ELF2: variants seen among roughly 807,000 people sequenced by gnomAD.
ELF2 encodes E74 like ETS transcription factor 2.
ELF2 carries 11 observed loss-of-function variants against 54.8 expected under a neutral mutation model. That is an observed-to-expected ratio of 0.20 (90% CI 0.13 to 0.33). The LOEUF (loss-of-function observed/expected upper bound fraction) is 0.33. Ranked by LOEUF, ELF2 falls within the 10% of genes least tolerant of loss-of-function variation. The probability of loss-of-function intolerance (pLI) is 1.00; values close to 1 mark genes in which losing one functional copy is unlikely to be tolerated. For missense variants in ELF2, 513 were observed against 703.0 expected, an observed-to-expected ratio of 0.73 and a Z score of 3.06; for synonymous variants, 203 against 245.1, an observed-to-expected ratio of 0.83 and a Z score of 1.61.
rs1013407179 is a variant in ELF2, at chr4:139,177,218, T to A, written c.-503A>T. The A allele has an allele frequency of 3.4e-5, 5 of 147,514 alleles. No individual in the cohort carries two copies. The highest frequency in any genetic ancestry group is 6.7e-5 in the Admixed American group (1 of 14,978). 9.1% of individuals were successfully genotyped at this position (147,514 alleles called of 1,614,324 possible). ...ACACAGAGCTTGGCGCTGGGAGCAA[T>A]GGTTGCCCCCGCCCCGCTCCGCTCC... is the stretch of plus-strand genomic sequence containing the variant. On this transcript the variant is annotated 5_prime_UTR_variant, in exon 1 of 10. Transcript: ENST00000686138.
intron 6 of ELF2, among the ~76,000 whole-genome samples, chr4:139,068,821 C>A (rs1391254836): frequency 2.0e-5 from 3 of 152,048 alleles, no homozygotes; most frequent in African/African-American, 7.2e-5. Flanking sequence ...ATTGGGAATA[C>A]TTAAGTATGT....
chr4:139,085,669 C>G (rs187905933), intron 4 of ELF2, among the ~76,000 whole-genome samples: 38 of 152,292 alleles, frequency 2.5e-4, no homozygotes, highest in Admixed American at 1.4e-3. Flanking sequence ...CATGCTATTT[C>G]CAAAGTACAA....
rs1423765948 is a variant in ELF2, at chr4:139,115,147, A to G, written c.238+10017T>C. ...GTCGTAGAGGCGCGTGAGCTGCTCCAGGATCCACTCCTCTAGGTTGAGGCG... is the reference window on the plus strand; with the variant it reads ...GTCGTAGAGGCGCGTGAGCTGCTCCGGGATCCACTCCTCTAGGTTGAGGCG... On this transcript the variant is annotated intron_variant, in intron 4 of 9. Coordinates refer to ENST00000686138, the MANE Select transcript of ELF2 (RefSeq NM_001331036.3). The G allele has an allele frequency of 2.5e-6, 4 of 1,613,214 alleles. No individual in the cohort carries two copies. In the African/African-American group the frequency reaches 4.0e-5, roughly 16 times the overall value.
In ELF2 at chr4:139,161,799, C is replaced by T. The variant is rs181916587; in HGVS notation, c.-252+15168G>A. Among the ~76,000 whole-genome samples, 186 of 151,678 alleles carry T rather than the reference C, an allele frequency of 1.2e-3. 5 individuals carry two copies. In the East Asian group the frequency reaches 0.023, roughly 19 times the overall value. ...CAGCCTGCCCAACATGGAGAAACCCCGTCTCTACTAAAAATACAAAATTAG... is the reference window on the plus strand; with the variant it reads ...CAGCCTGCCCAACATGGAGAAACCCTGTCTCTACTAAAAATACAAAATTAG... On this transcript the variant is annotated intron_variant, in intron 1 of 9. Coordinates refer to ENST00000686138, the MANE Select transcript of ELF2 (RefSeq NM_001331036.3).
chr4:139,090,913 G>T (rs1180518716), intron 4 of ELF2, among the ~76,000 whole-genome samples: 5 of 149,662 alleles, frequency 3.3e-5, no homozygotes, highest in African/African-American at 1.2e-4. Flanking sequence ...ATAGTATATG[G>T]TTTGTTTTGT....
At chr4:139,131,798 CAAA>C (rs70940495) in intron 3 of ELF2, among the ~76,000 whole-genome samples, 16 of 135,524 alleles carry the variant, frequency 1.2e-4, no homozygotes, top group Non-Finnish European at 2.4e-4. Flanking sequence ...TTCATAATGC[CAAA>C]AAAAAAAAAA....
intron 5 of ELF2, among the ~76,000 whole-genome samples, chr4:139,072,403 C>T (rs1729640649): frequency 6.6e-6 from 1 of 152,186 alleles, no homozygotes; most frequent in African/African-American, 2.4e-5. Flanking sequence ...TTAATAATTA[C>T]TTTCCATCCA....
At chr4:139,070,435 C>G (rs1729355499) in intron 6 of ELF2, among the ~76,000 whole-genome samples, 1 of 151,976 alleles carries the variant, frequency 6.6e-6, no homozygotes, top group Admixed American at 6.6e-5. Context: ...GGACTACAGG[C>G]ATGCAACACC....
intron 4 of ELF2, among the ~76,000 whole-genome samples, chr4:139,110,341 C>G (rs1052629561): frequency 6.6e-6 from 1 of 152,132 alleles, no homozygotes; most frequent in African/African-American, 2.4e-5. Flanking sequence ...CAAAGACAGA[C>G]ATCTGTAAGG....
chr4:139,076,753 G>A (rs1412197004), intron 4 of ELF2, among the ~76,000 whole-genome samples: 1 of 151,892 alleles, frequency 6.6e-6, no homozygotes, highest in Non-Finnish European at 1.5e-5. Flanking sequence ...CATAGTTTGA[G>A]GCACATTTTC....
intron 4 of ELF2, chr4:139,100,677 T>A (rs1253796605): frequency 1.3e-5 from 2 of 152,230 alleles, no homozygotes; most frequent in African/African-American, 4.8e-5. Context: ...AACATTTTTT[T>A]AACTGCATCC....
chr4:139,147,576 A>G (rs1421645616), intron 1 of ELF2, among the ~76,000 whole-genome samples: 1 of 152,042 alleles, frequency 6.6e-6, no homozygotes, highest in Non-Finnish European at 1.5e-5. Context: ...GCTTCAAGCC[A>G]TTCTCTTGCC....
chr4:139,057,475 T>C lies in ELF2; in HGVS notation c.*1508A>G, dbSNP rs981672200. ...CATTAAGATATGGAGTGACAGACAG[T>C]AGTAAAATTACATAGTTTATGTAAT... On this transcript the variant is annotated 3_prime_UTR_variant, in exon 10 of 10. Coordinates refer to ENST00000686138, the MANE Select transcript of ELF2 (RefSeq NM_001331036.3). 1 of 152,230 alleles carries C rather than the reference T, an allele frequency of 6.6e-6. No homozygotes were observed. The highest frequency in any genetic ancestry group is 1.5e-5 in the Non-Finnish European group (1 of 68,036). 9.4% of individuals were successfully genotyped at this position (152,230 alleles called of 1,614,324 possible).
chr4:139,175,594 C>T (rs566846408), intron 1 of ELF2, among the ~76,000 whole-genome samples: 1 of 152,220 alleles, frequency 6.6e-6, no homozygotes, highest in East Asian at 1.9e-4. Context: ...AATATCCAAT[C>T]CTTTCTTAGT....
chr4:139,149,138 C>T (rs1004327036), intron 1 of ELF2, among the ~76,000 whole-genome samples: 9 of 151,984 alleles, frequency 5.9e-5, no homozygotes, highest in East Asian at 3.8e-4. Flanking sequence ...AGCAAATAAA[C>T]GGCATAGGAA....
intron 4 of ELF2, among the ~76,000 whole-genome samples, chr4:139,090,596 T>C (rs1030682228): frequency 1.3e-5 from 2 of 152,186 alleles, no homozygotes; most frequent in African/African-American, 4.8e-5. Context: ...AGCCTGCTGT[T>C]TGCCTTTTTT....
At chr4:139,139,784 A>AG (rs1448372415) in intron 1 of ELF2, among the ~76,000 whole-genome samples, 1 of 152,088 alleles carries the variant, frequency 6.6e-6, no homozygotes, top group Non-Finnish European at 1.5e-5. Context: ...CATTTCAAAC[A>AG]GGTTCTTTTT....
chr4:139,154,227 T>C (rs1740305310), intron 1 of ELF2, among the ~76,000 whole-genome samples: 1 of 152,232 alleles, frequency 6.6e-6, no homozygotes. Context: ...ATATTTTTTA[T>C]GTTTTGGCTT....
Position 139,059,287 on chromosome 4 carries a change from A to T in ELF2, c.1478T>A (p.Val493Glu). The T allele has an allele frequency of 6.2e-7, 1 of 1,613,904 alleles. No homozygotes were observed. The highest frequency in any genetic ancestry group is 8.5e-7 in the Non-Finnish European group (1 of 1,179,862). ...SINIVGTPLA[V>E]RALTPVSIAH... ...TATTGAAACAGGGGTAAGTGCTCTC[A>T]CAGCCAATGGGGTTCCAACAATGTT... The change falls in exon 10 of 10, where the codon GTG (valine) becomes GAG (glutamate). Residue 493 changes from valine (V) to glutamate (E), a missense_variant. Val to Glu is a moderately radical substitution (Grantham distance 121). Around this residue, in one of 3 missense-constraint regions of ELF2, gnomAD observed 291 missense variants for 366.1 expected, o/e 0.79. Coordinates refer to ENST00000686138, the MANE Select transcript of ELF2 (RefSeq NM_001331036.3).
Sources: gnomAD v4.1 joint callset for allele counts (sites outside exome capture counted in the v4.1 genomes callset) on GRCh38, gnomAD v4.1.1 for gene constraint, gnomAD v4.1.1 regional missense constraint, MANE v1.5 for transcripts, NCBI Gene and HGNC (gene_info 2026-07-23, HGNC 2026-07-21) for gene names.